The following ANO10 variants were observed in gnomAD, a reference collection of about 807,000 sequenced individuals.
The protein encoded by ANO10 is anoctamin 10.
Under a neutral mutation model 74.7 loss-of-function variants are expected in ANO10, and 77 were observed. The ratio of observed to expected loss-of-function variants is 1.03; its 90% confidence interval spans 0.86 to 1.25. The LOEUF (loss-of-function observed/expected upper bound fraction) is 1.25. ANO10 is among the 50% of genes most tolerant of loss of function. ANO10 has a pLI of 0.00. For synonymous variants in ANO10, 279 were observed against 284.9 expected (o/e 0.98, Z 0.21); for missense variants, 721 against 778.1 (o/e 0.93, Z 0.87).
intron 3 of ANO10, among the ~76,000 whole-genome samples, chr3:43,599,783 G>C (rs999303703): frequency 1.3e-5 from 2 of 151,998 alleles, no homozygotes; most frequent in Admixed American, 1.3e-4. Flanking sequence ...GCGGGCGCCT[G>C]TAGTCCCAGC....
intron 11 of ANO10, among the ~76,000 whole-genome samples, chr3:43,506,143 T>C (rs1056311093): frequency 1.3e-5 from 2 of 152,200 alleles, no homozygotes; most frequent in African/African-American, 2.4e-5. Flanking sequence ...TACAGTATTA[T>C]CTAGGACTTA....
chr3:43,544,192 G>A (rs1468172698), intron 11 of ANO10, among the ~76,000 whole-genome samples: 1 of 152,062 alleles, frequency 6.6e-6, no homozygotes, highest in African/African-American at 2.4e-5. Flanking sequence ...GAAATTATTT[G>A]AATATTGATT....
intron 1 of ANO10, among the ~76,000 whole-genome samples, chr3:43,677,849 G>A (rs1423072352): frequency 6.6e-6 from 1 of 152,226 alleles, no homozygotes; most frequent in East Asian, 1.9e-4. Flanking sequence ...TGGAGCAACA[G>A]ATTCTTAAGT....
chr3:43,594,198 TC>T (rs2081959927), intron 4 of ANO10, among the ~76,000 whole-genome samples: 1 of 152,182 alleles, frequency 6.6e-6, no homozygotes, highest in Non-Finnish European at 1.5e-5. Flanking sequence ...ATTAGACAGA[TC>T]CACGAGACAG....
At chr3:43,389,325 A>G (rs895053062) in intron 12 of ANO10, among the ~76,000 whole-genome samples, 4 of 152,254 alleles carry the variant, frequency 2.6e-5, no homozygotes, top group Admixed American at 2.0e-4. Context: ...ATCCCTTGGT[A>G]AAAGTTATAA....
intron 4 of ANO10, among the ~76,000 whole-genome samples, chr3:43,587,608 G>A (rs180793567): frequency 7.7e-4 from 118 of 152,284 alleles, no homozygotes; most frequent in Non-Finnish European, 1.4e-3. Flanking sequence ...ACTGCTTCTG[G>A]GAAATGCAAA....
intron 11 of ANO10, among the ~76,000 whole-genome samples, chr3:43,447,477 CA>C (rs1190275144): frequency 1.1e-4 from 16 of 152,168 alleles, no homozygotes; most frequent in South Asian, 4.1e-4. Context: ...AGCACCTATT[CA>C]CACACTTAAC....
chr3:43,407,752 G>T (rs144505225), intron 12 of ANO10, among the ~76,000 whole-genome samples: 1 of 152,328 alleles, frequency 6.6e-6, no homozygotes, highest in East Asian at 1.9e-4. Context: ...AAAAGGAGGA[G>T]AAATTGTCCA....
chr3:43,607,873 C>T (rs1157138839), intron 1 of ANO10, among the ~76,000 whole-genome samples: 3 of 151,942 alleles, frequency 2.0e-5, no homozygotes, highest in Non-Finnish European at 4.4e-5. Context: ...CCAAGGAAGG[C>T]TTTATAGAAA....
rs1314808519 is a variant in ANO10, at chr3:43,687,180, G to A, written c.-12+4337C>T. Among the ~76,000 whole-genome samples the A allele has an allele frequency of 3.9e-5, 6 of 152,268 alleles. No individual in the cohort carries two copies. The East Asian group carries it at 5.8e-4, about 15-fold the overall frequency. On this transcript the variant is annotated intron_variant, in intron 1 of 3. Transcript: ENST00000413397. ...TATAAACATTTACAGGCTGGGCATG[G>A]TGGCTTACGCCTATAATCCCAACAC...
intron 3 of ANO10, among the ~76,000 whole-genome samples, chr3:43,599,588 G>T (rs751615762): frequency 6.6e-6 from 1 of 152,100 alleles, no homozygotes; most frequent in Non-Finnish European, 1.5e-5. Flanking sequence ...CTTTTTACAT[G>T]ATTGTTTTCT....
chr3:43,386,632 TGTGTGTAGGTGTGTAC>T (rs1559497814), intron 12 of ANO10, among the ~76,000 whole-genome samples: 2 of 147,482 alleles, frequency 1.4e-5, no homozygotes, highest in African/African-American at 5.1e-5. Flanking sequence ...TTTTGAAAGT[TGTGTGTAGGTGTGTAC>T]GTGTGTGTGT....
rs2076107541 is a variant in ANO10, at chr3:43,477,445, A to G, written c.1798-44718T>C. Among the ~76,000 whole-genome samples the G allele has an allele frequency of 4.6e-5, 7 of 152,334 alleles. No individual in the cohort carries two copies. The South Asian group carries it at 1.5e-3, about 32-fold the overall frequency. On this transcript the variant is annotated intron_variant, in intron 11 of 12. Coordinates refer to ENST00000292246, the MANE Select transcript of ANO10 (RefSeq NM_018075.5). Reference sequence around the variant, plus strand: ...CAGAAAATGAAGCAAGACGTACTCCATCTATTACCTTCCATTTCATTTTAT... The same window carrying G: ...CAGAAAATGAAGCAAGACGTACTCCGTCTATTACCTTCCATTTCATTTTAT...
chr3:43,478,052 C>T (rs938583174), intron 11 of ANO10, among the ~76,000 whole-genome samples: 1 of 152,176 alleles, frequency 6.6e-6, no homozygotes, highest in Non-Finnish European at 1.5e-5. Context: ...CATATATTTA[C>T]TCATTTAATG....
chr3:43,665,533 AAG>A (rs1238045184), intron 1 of ANO10, among the ~76,000 whole-genome samples: 3 of 152,190 alleles, frequency 2.0e-5, no homozygotes, highest in Admixed American at 6.5e-5. Context: ...ATTTAAAAAA[AAG>A]AGAAAAATCT....
Position 43,504,650 on chromosome 3 carries a change from A to AT in ANO10, c.1797+45069dup, listed in dbSNP as rs541524469. ...AAATGACAGAAATAATTATTTATTT[A>AT]TTTTTTTTTTGAGACAGAGTCTCAC... On this transcript the variant is annotated intron_variant, in intron 11 of 12. Coordinates refer to ENST00000292246, the MANE Select transcript of ANO10 (RefSeq NM_018075.5). 4.1e-3 allele frequency among the ~76,000 whole-genome samples: 605 copies of AT among 149,012 alleles called. 1 individual carries two copies. Among genetic ancestry groups the AT allele is most frequent in the South Asian group, 6.7e-3 (32 of 4,766 alleles).
intron 11 of ANO10, among the ~76,000 whole-genome samples, chr3:43,477,230 G>A (rs1041476957): frequency 1.3e-5 from 2 of 152,138 alleles, no homozygotes; most frequent in Non-Finnish European, 2.9e-5. Context: ...CAGTATTATT[G>A]TAACTGTTAA....
At chr3:43,553,593 G>A (rs2149321325) in intron 10 of ANO10, among the ~76,000 whole-genome samples, 1 of 149,482 alleles carries the variant, frequency 6.7e-6, no homozygotes, top group South Asian at 2.1e-4. Flanking sequence ...CTGGAGTGCA[G>A]TGGCGCAATC....
At chr3:43,649,738 C>T (rs1326028482) in intron 1 of ANO10, among the ~76,000 whole-genome samples, 2 of 152,194 alleles carry the variant, frequency 1.3e-5, no homozygotes, top group East Asian at 1.9e-4. Flanking sequence ...GCCGAGGTCC[C>T]GTGACCTCAG....
Sources: gnomAD v4.1 joint callset for allele counts (sites outside exome capture counted in the v4.1 genomes callset) on GRCh38, gnomAD v4.1.1 for gene constraint, MANE v1.5 for transcripts, NCBI Gene and HGNC (gene_info 2026-07-23, HGNC 2026-07-21) for gene names.